NEO1: variants seen among roughly 807,000 people sequenced by gnomAD.
NEO1 encodes neogenin 1.
NEO1 carries 63 observed loss-of-function variants against 159.7 expected under a neutral mutation model. The observed-to-expected ratio is 0.39, with a 90% confidence interval of 0.32 to 0.49. NEO1 has a LOEUF of 0.49. Among genes scored for constraint, NEO1 ranks in the 20% least tolerant of loss-of-function variants. The pLI, the probability that NEO1 is intolerant of heterozygous loss-of-function variation, is 0.85. For synonymous variants in NEO1, 633 were observed against 662.0 expected (o/e 0.96, Z 0.67); for missense variants, 1,615 against 1,831.0 (o/e 0.88, Z 2.15).
intron 7 of NEO1, among the ~76,000 whole-genome samples, chr15:73,231,570 TAA>T (rs2038912374): frequency 6.6e-6 from 1 of 152,056 alleles, no homozygotes; most frequent in African/African-American, 2.4e-5. Context: ...CCATCTCTAC[TAA>T]AAGTACAAAA....
intron 22 of NEO1, among the ~76,000 whole-genome samples, chr15:73,279,765 C>G (rs776365395): frequency 6.6e-6 from 1 of 152,110 alleles, no homozygotes; most frequent in Admixed American, 6.5e-5. Context: ...CCGTCTAACC[C>G]GGATCTTCAA....
At chr15:73,125,688 A>G (rs2030108370) in intron 3 of NEO1, among the ~76,000 whole-genome samples, 1 of 152,184 alleles carries the variant, frequency 6.6e-6, no homozygotes, top group Non-Finnish European at 1.5e-5. Flanking sequence ...TGGCCTTTTC[A>G]TGTATTCACA....
chr15:73,273,446 T>A (rs1369855416), intron 19 of NEO1, among the ~76,000 whole-genome samples: 2 of 152,216 alleles, frequency 1.3e-5, no homozygotes, highest in Non-Finnish European at 2.9e-5. Context: ...GGATTACATT[T>A]TACTTTGTCT....
chr15:73,180,051 T>G (rs2151965044), intron 7 of NEO1, among the ~76,000 whole-genome samples: 1 of 152,268 alleles, frequency 6.6e-6, no homozygotes, highest in Non-Finnish European at 1.5e-5. Context: ...AGGGTACCTG[T>G]TGGGTGCATT....
At chr15:73,104,990 G>C (rs778988179) in intron 1 of NEO1, among the ~76,000 whole-genome samples, 2 of 152,094 alleles carry the variant, frequency 1.3e-5, no homozygotes, top group Non-Finnish European at 2.9e-5. Context: ...TTTGGGCAGG[G>C]ACACAGACCC....
intron 23 of NEO1, among the ~76,000 whole-genome samples, chr15:73,283,730 C>G (rs1333648422): frequency 6.6e-6 from 1 of 152,256 alleles, no homozygotes; most frequent in South Asian, 2.1e-4. Flanking sequence ...GCTGGTCACC[C>G]CCTTTGGAGC....
intron 2 of NEO1, among the ~76,000 whole-genome samples, chr15:73,121,174 A>G (rs866790039): frequency 6.6e-6 from 1 of 152,224 alleles, no homozygotes; most frequent in East Asian, 1.9e-4. Context: ...GATTATCTCA[A>G]TAATGTTCTT....
chr15:73,217,861 G>A (rs1296383091), intron 7 of NEO1, among the ~76,000 whole-genome samples: 1 of 152,194 alleles, frequency 6.6e-6, no homozygotes, highest in African/African-American at 2.4e-5. Context: ...ATACAATCAT[G>A]TCATCTGCAA....
chr15:73,199,955 CCCAAAGG>C (rs1163311771), intron 7 of NEO1, among the ~76,000 whole-genome samples: 1 of 152,162 alleles, frequency 6.6e-6, no homozygotes, highest in Non-Finnish European at 1.5e-5. Context: ...CTAATCACCT[CCCAAAGG>C]CCACACCTCT....
rs2039813720 is a variant in NEO1 at position 73,246,712 on chromosome 15, GGCT to G, written c.1606+2216_1606+2218del. ...AGGAAATGCAAGGGTCCTATCCTGA[GGCT>G]GTGAACCTTCTGAAACTGCATGAAA... On this transcript the variant is annotated intron_variant, in intron 9 of 28. Coordinates refer to ENST00000261908, the MANE Select transcript of NEO1 (RefSeq NM_002499.4). 2.6e-5 allele frequency among the ~76,000 whole-genome samples: 4 copies of G among 152,322 alleles called. 1 individual carries two copies. The South Asian group carries it at 8.3e-4, about 32-fold the overall frequency.
intron 1 of NEO1, among the ~76,000 whole-genome samples, chr15:73,086,138 T>C (rs1198948272): frequency 6.6e-6 from 1 of 152,144 alleles, no homozygotes; most frequent in Non-Finnish European, 1.5e-5. Context: ...GATTTTCTTT[T>C]GCATATGGAT....
chr15:73,116,445 C>T (rs2071324231), intron 1 of NEO1, 95 bp from the exon 2 acceptor site: 2 of 997,990 alleles, frequency 2.0e-6, no homozygotes, highest in Non-Finnish European at 2.8e-6. Flanking sequence ...CAAAGAACAA[C>T]AGTTAATAAT....
At chr15:73,128,438 G>A (rs1567262249) in intron 4 of NEO1, among the ~76,000 whole-genome samples, 1 of 152,174 alleles carries the variant, frequency 6.6e-6, no homozygotes, top group East Asian at 1.9e-4. Context: ...TATATATAAT[G>A]ATTTTTTATG....
At chr15:73,291,604 C>T (rs556863015) in intron 25 of NEO1, among the ~76,000 whole-genome samples, 4 of 152,238 alleles carry the variant, frequency 2.6e-5, no homozygotes, top group Admixed American at 6.5e-5. Flanking sequence ...ATACCCACTC[C>T]CCACCTTCCC....
chr15:73,090,157 C>G (rs755105945), intron 1 of NEO1, among the ~76,000 whole-genome samples: 2 of 152,054 alleles, frequency 1.3e-5, no homozygotes, highest in Non-Finnish European at 2.9e-5. Context: ...GTGAGAGAAA[C>G]AAGTTGCATA....
At chr15:73,286,133 A>G (rs2041939645) in intron 23 of NEO1, among the ~76,000 whole-genome samples, 1 of 121,022 alleles carries the variant, frequency 8.3e-6, no homozygotes. Context: ...CTTCTCCACC[A>G]CAGAATTCCT....
chr15:73,126,364 C>G (rs2030242407), intron 3 of NEO1, 53 bp from the exon 4 acceptor site: 6 of 1,500,118 alleles, frequency 4.0e-6, no homozygotes, highest in Non-Finnish European at 5.4e-6. Flanking sequence ...GCCACCATGT[C>G]CAGCCTGTTT....
Position 73,058,189 on chromosome 15 carries a change from G to A in NEO1, c.130+5384G>A, listed in dbSNP as rs140600285. 4.4e-3 allele frequency among the ~76,000 whole-genome samples: 663 copies of A among 152,264 alleles called. 3 individuals carry two copies. The highest frequency in any genetic ancestry group is 0.015 in the African/African-American group (632 of 41,556). On this transcript the variant is annotated intron_variant, in intron 1 of 28. Transcript: ENST00000261908. The stretch of plus-strand genomic sequence containing the variant: ...ATTCCAGGGAGCAAATATAATAATA[G>A]TGGCTAATTAAAGTAGTAGTTACAG...
intron 5 of NEO1, among the ~76,000 whole-genome samples, chr15:73,171,200 A>T (rs1186897733): frequency 6.6e-6 from 1 of 152,178 alleles, no homozygotes; most frequent in Non-Finnish European, 1.5e-5. Flanking sequence ...TGGAAAAAAA[A>T]ACCTAAGAAA....
Sources: allele counts gnomAD v4.1 joint callset (sites outside exome capture counted in the v4.1 genomes callset), GRCh38; gene constraint gnomAD v4.1.1; transcripts MANE v1.5; gene names NCBI Gene and HGNC (gene_info 2026-07-23, HGNC 2026-07-21).